Variants in AHI1 observed in about 807,000 individuals in gnomAD.
AHI1 encodes the protein jouberin.
Under a neutral mutation model 149.3 loss-of-function variants are expected in AHI1, and 123 were observed. The ratio of observed to expected loss-of-function variants is 0.82; its 90% CI spans 0.71 to 0.96. The LOEUF (loss-of-function observed/expected upper bound fraction) is 0.96, where lower values mean the gene tolerates loss of function less well. Among genes scored for constraint, AHI1 ranks in the 40% least tolerant of loss-of-function variants. The pLI is 0.00. For synonymous variants in AHI1, 475 were observed against 459.8 expected (o/e 1.03, Z -0.42); for missense variants, 1,439 against 1,422.7 (o/e 1.01, Z -0.18).
At chr6:135,484,167 G>A (rs1489169814) in intron 5 of AHI1, among the ~76,000 whole-genome samples, 5 of 152,154 alleles carry the variant, frequency 3.3e-5, no homozygotes, top group Admixed American at 6.5e-5. Context: ...TCACTATGAT[G>A]AGAACAGCAT....
At chr6:135,423,655 T>G (rs1462796339) in intron 20 of AHI1, among the ~76,000 whole-genome samples, 1 of 152,160 alleles carries the variant, frequency 6.6e-6, no homozygotes, top group East Asian at 1.9e-4. Flanking sequence ...AGAATGGTAA[T>G]CTGAGTCTGA....
At chr6:135,437,703 A>G (rs908391626) in intron 15 of AHI1, among the ~76,000 whole-genome samples, 2 of 152,214 alleles carry the variant, frequency 1.3e-5, no homozygotes, top group Non-Finnish European at 2.9e-5. Context: ...GGAGAGAATA[A>G]TGTCTTACCT....
intron 28 of AHI1, chr6:135,286,350 C>G (rs1306811973): frequency 3.9e-5 from 6 of 152,256 alleles, no homozygotes; most frequent in Admixed American, 3.3e-4. Context: ...CTAAACCTAA[C>G]ATTTTTTAAT....
rs1238676254 is a variant in AHI1, at chr6:135,284,643, CA to C, written c.*1001del. 3.3e-5 allele frequency: 5 copies of C among 151,616 alleles called. No homozygotes were observed. The highest frequency in any genetic ancestry group is 1.2e-4 in the African/African-American group (5 of 41,284). 9.4% of individuals were successfully genotyped at this position (151,616 alleles called of 1,614,324 possible). On this transcript the variant is annotated 3_prime_UTR_variant, in exon 29 of 29. Transcript: ENST00000265602. ...TATTAAGATTAAAATAAATATTAAACAATGTAAGTCTACAAAATAGGTATGT... is the reference window on the plus strand; with the variant it reads ...TATTAAGATTAAAATAAATATTAAACATGTAAGTCTACAAAATAGGTATGT...
intron 24 of AHI1, among the ~76,000 whole-genome samples, chr6:135,344,702 T>G (rs1272590892): frequency 6.6e-6 from 1 of 151,280 alleles, no homozygotes; most frequent in Non-Finnish European, 1.5e-5. Context: ...TTCTTTTTCT[T>G]TCTCTCTCTT....
At chr6:135,418,247 T>A (rs1562720011) in intron 20 of AHI1, among the ~76,000 whole-genome samples, 1 of 152,046 alleles carries the variant, frequency 6.6e-6, no homozygotes. Context: ...TGAAGGAGAA[T>A]AAATTACTGC....
intron 24 of AHI1, among the ~76,000 whole-genome samples, chr6:135,344,069 C>T (rs529614071): frequency 6.6e-6 from 1 of 152,046 alleles, no homozygotes; most frequent in Admixed American, 6.5e-5. Context: ...ATGTTCAAGT[C>T]CCTTATATAA....
chr6:135,490,114 G>A (rs1316186979), intron 5 of AHI1: 1 of 711,590 alleles, frequency 1.4e-6, no homozygotes, highest in Non-Finnish European at 2.6e-6. Context: ...TAGTCTTTGA[G>A]CACTGTATTT....
At chr6:135,398,058 G>GTTTTT (rs68148024) in intron 22 of AHI1, among the ~76,000 whole-genome samples, 10 of 88,438 alleles carry the variant, frequency 1.1e-4, no homozygotes, top group African/African-American at 3.9e-4. Flanking sequence ...TACCCAGGAT[G>GTTTTT]TTTTTTTTTT....
chr6:135,382,214 A>C (rs185563206), intron 23 of AHI1, among the ~76,000 whole-genome samples: 1 of 152,230 alleles, frequency 6.6e-6, no homozygotes, highest in African/African-American at 2.4e-5. Flanking sequence ...TCACGCATAT[A>C]GTCATTTGTC....
chr6:135,309,040 A>T (rs1784842567), intron 26 of AHI1, among the ~76,000 whole-genome samples: 1 of 152,250 alleles, frequency 6.6e-6, no homozygotes, highest in Admixed American at 6.5e-5. Context: ...GCTGAGGTAC[A>T]TATATCAAAT....
At chr6:135,414,151 G>A (rs960991876) in intron 20 of AHI1, among the ~76,000 whole-genome samples, 1 of 152,166 alleles carries the variant, frequency 6.6e-6, no homozygotes, top group Non-Finnish European at 1.5e-5. Flanking sequence ...GAATAGTATA[G>A]AGTGCCCAGG....
At chr6:135,362,028 AAG>A (rs1793971620) in intron 23 of AHI1, among the ~76,000 whole-genome samples, 1 of 152,056 alleles carries the variant, frequency 6.6e-6, no homozygotes, top group Non-Finnish European at 1.5e-5. Context: ...TCCTTAGAAT[AAG>A]AGTCTCCAAT....
At chr6:135,443,827 C>T in intron 13 of AHI1, among the ~76,000 whole-genome samples, 1 of 152,172 alleles carries the variant, frequency 6.6e-6, no homozygotes, top group East Asian at 1.9e-4. Flanking sequence ...CTTTTCTCTG[C>T]ATCCTCCAAC....
intron 23 of AHI1, among the ~76,000 whole-genome samples, chr6:135,361,842 TTTTA>T (rs1414257422): frequency 3.3e-5 from 5 of 152,236 alleles, no homozygotes; most frequent in African/African-American, 1.2e-4. Flanking sequence ...TTTTTTTTGA[TTTTA>T]TTTTTTATTT....
At chr6:135,338,036 G>A (rs1439726356) in intron 24 of AHI1, among the ~76,000 whole-genome samples, 1 of 152,036 alleles carries the variant, frequency 6.6e-6, no homozygotes, top group Non-Finnish European at 1.5e-5. Flanking sequence ...GGTGGCTCAC[G>A]CCTGTAATCC....
chr6:135,332,070 G>GTT (rs1347099809), intron 24 of AHI1, among the ~76,000 whole-genome samples: 95 of 136,664 alleles, frequency 7.0e-4, no homozygotes, highest in African/African-American at 1.2e-3. Context: ...TCAGGTTTAG[G>GTT]TTTTTTTTTT....
intron 8 of AHI1, among the ~76,000 whole-genome samples, chr6:135,461,370 C>T (rs1389330529): frequency 6.6e-6 from 1 of 152,018 alleles, no homozygotes; most frequent in Non-Finnish European, 1.5e-5. Context: ...TATCACTATA[C>T]ATTCCTGAAG....
chr6:135,380,731 A>AACCC (rs1776620230), intron 23 of AHI1, among the ~76,000 whole-genome samples: 3 of 56,046 alleles, frequency 5.4e-5, no homozygotes, highest in Non-Finnish European at 1.0e-4. Flanking sequence ...AAGTAAAATA[A>AACCC]CCCCCCCCCC....
Sources: allele counts gnomAD v4.1 joint callset (sites outside exome capture counted in the v4.1 genomes callset), GRCh38; gene constraint gnomAD v4.1.1; transcripts MANE v1.5; gene names NCBI Gene and HGNC (gene_info 2026-07-23, HGNC 2026-07-21).